The following GLDN variants were observed in gnomAD, a reference collection of about 807,000 sequenced individuals.
GLDN encodes collomin.
In GLDN, 47 loss-of-function variants were observed where a neutral mutation model predicts 56.5. The ratio of observed to expected loss-of-function variants is 0.83; its 90% CI spans 0.66 to 1.06. The LOEUF is 1.06. Among genes scored for constraint, GLDN ranks in the 50% least tolerant of loss-of-function variants. GLDN has a pLI of 0.00. For synonymous variants in GLDN, 332 were observed against 278.8 expected (o/e 1.19, Z -1.90); for missense variants, 782 against 714.3 (o/e 1.09, Z -1.08).
chr15:51,381,032 C>G (rs2037746715), intron 2 of GLDN, among the ~76,000 whole-genome samples: 1 of 152,218 alleles, frequency 6.6e-6, no homozygotes, highest in Non-Finnish European at 1.5e-5. Flanking sequence ...GCCTGGGTAT[C>G]TGCATTTACT....
intron 4 of GLDN, among the ~76,000 whole-genome samples, chr15:51,394,251 G>T: frequency 6.6e-6 from 1 of 152,192 alleles, no homozygotes; most frequent in South Asian, 2.1e-4. Flanking sequence ...TTCCACTGTT[G>T]CTGCCATCGC....
At chr15:51,356,715 TA>T (rs36048053) in intron 1 of GLDN, among the ~76,000 whole-genome samples, 2 of 152,138 alleles carry the variant, frequency 1.3e-5, no homozygotes. Context: ...CCCTCAGCTT[TA>T]AAAAGGTGGC....
intron 1 of GLDN, among the ~76,000 whole-genome samples, chr15:51,360,747 G>T (rs2037281694): frequency 6.6e-6 from 1 of 152,194 alleles, no homozygotes; most frequent in South Asian, 2.1e-4. Flanking sequence ...TATCATGCCT[G>T]AGAGCCCTAC....
In GLDN at chr15:51,376,087, T is replaced by C. The variant is rs530418913; in HGVS notation, c.364-1362T>C. Among the ~76,000 whole-genome samples the C allele has an allele frequency of 8.5e-5, 13 of 152,378 alleles. No homozygotes were observed. The South Asian group carries it at 2.3e-3, about 27-fold the overall frequency. On this transcript the variant is annotated intron_variant, in intron 1 of 9. Transcript: ENST00000335449. The stretch of plus-strand genomic sequence containing the variant: ...TTTTAAGGGTTTCTTTCAAGTGTTA[T>C]GTTAACTACAGTCATATGTCATGTA...
intron 1 of GLDN, among the ~76,000 whole-genome samples, chr15:51,355,957 C>T (rs893428678): frequency 7.3e-5 from 11 of 150,428 alleles, no homozygotes; most frequent in Non-Finnish European, 1.5e-4. Flanking sequence ...CCTGTAATCC[C>T]AACACTTTGG....
intron 1 of GLDN, among the ~76,000 whole-genome samples, chr15:51,349,084 C>T (rs71472906): frequency 4.6e-5 from 7 of 152,274 alleles, no homozygotes; most frequent in Non-Finnish European, 8.8e-5. Flanking sequence ...GCATGTACTC[C>T]CGATTCTTAG....
chr15:51,375,230 G>A (rs1242630835), intron 1 of GLDN, among the ~76,000 whole-genome samples: 1 of 152,140 alleles, frequency 6.6e-6, no homozygotes, highest in Non-Finnish European at 1.5e-5. Context: ...ATAGTTTAAT[G>A]GAAAGAGTAA....
At chr15:51,343,977 C>T (rs115269513) in intron 1 of GLDN, among the ~76,000 whole-genome samples, 1 of 152,306 alleles carries the variant, frequency 6.6e-6, no homozygotes, top group African/African-American at 2.4e-5. Context: ...AGAAATACTA[C>T]TCAGTCTCTA....
chr15:51,399,968 T>C (rs2038213027), intron 6 of GLDN, among the ~76,000 whole-genome samples: 1 of 152,186 alleles, frequency 6.6e-6, no homozygotes, highest in Admixed American at 6.5e-5. Context: ...GCAACTGTAC[T>C]CCTGAAAAGC....
intron 1 of GLDN, among the ~76,000 whole-genome samples, chr15:51,356,572 G>T (rs1455691795): frequency 6.6e-6 from 1 of 152,160 alleles, no homozygotes; most frequent in Non-Finnish European, 1.5e-5. Flanking sequence ...AAAGTAAAAG[G>T]CAGACCGCAA....
Position 51,341,689 on chromosome 15 carries a change from C to T in GLDN, c.5C>T (p.Ala2Val). M[A>V]RGAEGGRGDA... is the part of the protein sequence containing the mutation. ...CCTGCCCAAGGCGCATAGAGCATGG[C>T]CCGAGGCGCTGAGGGAGGCCGTGGG... The change falls in exon 1 of 10, where the codon GCC becomes GTC. Residue 2 changes from alanine (A) to valine (V), a missense_variant. Transcript: ENST00000335449. 1 of 1,418,636 alleles carries T rather than the reference C, an allele frequency of 7.0e-7. No homozygotes were observed. The highest frequency in any genetic ancestry group is 9.1e-7 in the Non-Finnish European group (1 of 1,101,066). 87.9% of individuals were successfully genotyped at this position (1,418,636 alleles called of 1,614,324 possible). A position where few individuals can be genotyped will look rare whatever the true frequency, so the allele number is the denominator to read the frequency against.
rs1292923160 is a variant in GLDN, at chr15:51,404,894, G to A, written c.*140G>A. On this transcript the variant is annotated 3_prime_UTR_variant, in exon 10 of 10. Transcript: ENST00000335449. Reference sequence around the variant, plus strand: ...AGTGTTTATATGGTCAGTGAGCCCCGCTTAGTGAAATAGCAACAGATTGGA... The same window carrying A: ...AGTGTTTATATGGTCAGTGAGCCCCACTTAGTGAAATAGCAACAGATTGGA... 2.6e-5 allele frequency: 17 copies of A among 644,776 alleles called. No homozygotes were observed. The highest frequency in any genetic ancestry group is 3.3e-5 in the Non-Finnish European group (12 of 362,320). 39.9% of individuals were successfully genotyped at this position (644,776 alleles called of 1,614,324 possible).
Position 51,405,334 on chromosome 15 carries a change from C to T in GLDN, c.*580C>T, listed in dbSNP as rs914573903. 3 of 150,548 alleles carry T rather than the reference C, an allele frequency of 2.0e-5. No homozygotes were observed. The highest frequency in any genetic ancestry group is 2.0e-4 in the Admixed American group (3 of 15,138). 9.3% of individuals were successfully genotyped at this position (150,548 alleles called of 1,614,324 possible). A position where few individuals can be genotyped will look rare whatever the true frequency, so the allele number is the denominator to read the frequency against. ...CCATTACCCTCAGCTGCTGATTGGG[C>T]AGCTCTGAGATTAGCAAAAGCCAGG... On this transcript the variant is annotated 3_prime_UTR_variant, in exon 10 of 10. Transcript: ENST00000335449.
chr15:51,387,756 C>T (rs1225454627), intron 4 of GLDN, among the ~76,000 whole-genome samples: 1 of 152,106 alleles, frequency 6.6e-6, no homozygotes, highest in Non-Finnish European at 1.5e-5. Context: ...GGAAAAAAGC[C>T]TGTGTTCTAT....
intron 1 of GLDN, among the ~76,000 whole-genome samples, chr15:51,369,532 G>A (rs902571430): frequency 6.6e-6 from 1 of 152,306 alleles, no homozygotes; most frequent in African/African-American, 2.4e-5. Context: ...ACTTTTGTGT[G>A]AATTCATTCT....
intron 1 of GLDN, among the ~76,000 whole-genome samples, chr15:51,343,587 G>A (rs1005069691): frequency 1.3e-5 from 2 of 152,204 alleles, no homozygotes; most frequent in Admixed American, 1.3e-4. Flanking sequence ...TGACCTCGCA[G>A]TGCTACCACT....
Position 51,347,159 on chromosome 15 carries a change from TA to T in GLDN, c.363+5119del, listed in dbSNP as rs1263189823. 5.9e-5 allele frequency among the ~76,000 whole-genome samples: 9 copies of T among 152,306 alleles called. 1 individual carries two copies. The highest frequency in any genetic ancestry group is 1.9e-4 in the African/African-American group (8 of 41,552). ...ACACTTAATGTTCCTAAAAGTTGAT[TA>T]AAAAAATTTAATAGGAAAATCAGCA... On this transcript the variant is annotated intron_variant, in intron 1 of 9. Coordinates refer to ENST00000335449, the MANE Select transcript of GLDN (RefSeq NM_181789.4).
chr15:51,383,503 AC>A (rs2037814362), intron 3 of GLDN, 50 bp downstream of exon 3: 1 of 1,605,382 alleles, frequency 6.2e-7, no homozygotes. Context: ...GGGTGGCCAG[AC>A]CCTAGGATCT....
intron 5 of GLDN, 36 bp from the exon 6 acceptor site, chr15:51,397,434 G>T (rs1380227333): frequency 2.6e-6 from 3 of 1,152,088 alleles, no homozygotes; most frequent in Non-Finnish European, 3.3e-6. Flanking sequence ...TCTACCTCTT[G>T]CCTCCTTCTC....
Sources: gnomAD v4.1 joint callset for allele counts (sites outside exome capture counted in the v4.1 genomes callset) on GRCh38, gnomAD v4.1.1 for gene constraint, MANE v1.5 for transcripts, NCBI Gene and HGNC (gene_info 2026-07-23, HGNC 2026-07-21) for gene names.